TSG101: variants seen among roughly 807,000 people sequenced by gnomAD.
The protein encoded by TSG101 is tumor susceptibility 101, also known as tumor susceptibility gene 101 protein.
Under a neutral mutation model 48.5 loss-of-function variants are expected in TSG101, and 19 were observed. The observed-to-expected ratio is 0.39, with a 90% CI of 0.27 to 0.58. TSG101 has a LOEUF of 0.58. Among genes scored for constraint, TSG101 ranks in the 20% least tolerant of loss-of-function variants. The pLI is 0.55. For missense variants in TSG101, 365 were observed against 484.4 expected (o/e 0.75, Z 2.31); for synonymous variants, 174 against 169.4 (o/e 1.03, Z -0.21).
intron 1 of TSG101, among the ~76,000 whole-genome samples, chr11:18,523,088 C>T (rs1254743630): frequency 1.3e-5 from 2 of 152,082 alleles, no homozygotes; most frequent in African/African-American, 2.4e-5. Context: ...GAGACAAGGT[C>T]ATGCTATGTT....
At chr11:18,506,961 C>A in intron 5 of TSG101, 38 bp from the exon 6 acceptor site, 3 of 1,547,536 alleles carry the variant, frequency 1.9e-6, no homozygotes, top group South Asian at 1.2e-5. Context: ...AAATAATATA[C>A]AAGGCCTGAA....
intron 7 of TSG101, among the ~76,000 whole-genome samples, chr11:18,497,130 T>C (rs1036372413): frequency 6.6e-6 from 1 of 151,976 alleles, no homozygotes; most frequent in Non-Finnish European, 1.5e-5. Context: ...AATAACCAAA[T>C]TCATTCTTTC....
At chr11:18,502,649 C>T (rs768357416) in intron 6 of TSG101, 72 bp from the exon 7 acceptor site, 148 of 1,218,802 alleles carry the variant, frequency 1.2e-4, no homozygotes, top group Non-Finnish European at 1.5e-4. Context: ...GAACCCCATT[C>T]AGGAAGTTAA....
intron 6 of TSG101, 75 bp from the exon 7 acceptor site, chr11:18,502,652 G>T: frequency 8.5e-7 from 1 of 1,181,410 alleles, no homozygotes; most frequent in Non-Finnish European, 1.2e-6. Context: ...CCCCATTCAG[G>T]AAGTTAAGCT....
intron 7 of TSG101, among the ~76,000 whole-genome samples, chr11:18,487,427 A>G (rs551964355): frequency 6.6e-6 from 1 of 152,206 alleles, no homozygotes; most frequent in South Asian, 2.1e-4. Flanking sequence ...CTCACAACAA[A>G]TTCAAAGGAT....
At chr11:18,526,508 G>A (rs564484647) in intron 1 of TSG101, among the ~76,000 whole-genome samples, 334 of 152,346 alleles carry the variant, frequency 2.2e-3, no homozygotes, top group African/African-American at 6.9e-3. Flanking sequence ...GTGGAAGAGA[G>A]GAGGGCGGGT....
At chr11:18,493,780 CA>C (rs1849731532) in intron 7 of TSG101, among the ~76,000 whole-genome samples, 1 of 152,200 alleles carries the variant, frequency 6.6e-6, no homozygotes, top group Admixed American at 6.5e-5. Flanking sequence ...ACTGTATGAG[CA>C]AAGGAGTTCT....
intron 2 of TSG101, among the ~76,000 whole-genome samples, chr11:18,518,697 A>T (rs1019082078): frequency 2.6e-5 from 4 of 152,142 alleles, no homozygotes; most frequent in Non-Finnish European, 5.9e-5. Flanking sequence ...CTGAAAATAT[A>T]AAGAGACACT....
chr11:18,503,375 T>C (rs1285363449), intron 6 of TSG101, among the ~76,000 whole-genome samples: 2 of 150,002 alleles, frequency 1.3e-5, no homozygotes, highest in African/African-American at 4.9e-5. Context: ...GTTAAATTTT[T>C]TTTTTTTTTT....
Position 18,514,711 on chromosome 11 carries a change from C to T in TSG101, c.324G>A (p.Lys108=), listed in dbSNP as rs549036962. 5.7e-6 allele frequency: 9 copies of T among 1,587,754 alleles called. No individual in the cohort carries two copies. The East Asian group carries it at 6.8e-5, about 12-fold the overall frequency. Residue 108 remains lysine, a synonymous_variant, in exon 4 of 10, where the codon AAG becomes AAA. Transcript: ENST00000251968. ...KTGKHVDANG[K]IYLPYLHEWK... ...ATTCATGTAGATAAGGAAGATATAT[C>T]TTCCCATTTGCATCAACATGCTTTC...
chr11:18,490,499 C>A (rs1157144955), intron 7 of TSG101: 1 of 496,630 alleles, frequency 2.0e-6, no homozygotes, highest in African/African-American at 2.0e-5. Context: ...TTTCTTCTTT[C>A]TTACTAATTT....
At chr11:18,483,491 CAAAAAAAAAAA>C (rs35471524) in intron 8 of TSG101, among the ~76,000 whole-genome samples, 1 of 107,714 alleles carries the variant, frequency 9.3e-6, no homozygotes, top group Non-Finnish European at 1.9e-5. Flanking sequence ...GTGAAACTCT[CAAAAAAAAAAA>C]AAAAAAAAAG....
rs1027897401 is a variant in TSG101, at chr11:18,488,229, G to A, written c.641-4157C>T. ...CTGCACATTTTTGTTCAGTTAGAAA[G>A]GAGGGATTTTTGTTTTTTTTCTTTT... On this transcript the variant is annotated intron_variant, in intron 7 of 9. Coordinates refer to ENST00000251968, the MANE Select transcript of TSG101 (RefSeq NM_006292.4). Among the ~76,000 whole-genome samples, 18 of 152,304 alleles carry A rather than the reference G, an allele frequency of 1.2e-4. No individual in the cohort carries two copies. In the South Asian group the frequency reaches 1.4e-3, roughly 12 times the overall value.
At chr11:18,512,125 C>T (rs974519388) in intron 4 of TSG101, among the ~76,000 whole-genome samples, 9 of 152,084 alleles carry the variant, frequency 5.9e-5, no homozygotes, top group African/African-American at 1.9e-4. Flanking sequence ...CAAACTGAGG[C>T]GAGGCACAAT....
In TSG101 at chr11:18,480,461, C is replaced by CA. The variant is rs1849510736; in HGVS notation, c.*84dup. On this transcript the variant is annotated 3_prime_UTR_variant, in exon 10 of 10. Coordinates refer to ENST00000251968, the MANE Select transcript of TSG101 (RefSeq NM_006292.4). ...TATTTTACACTTGAATGATAAACTG[C>CA]AATAACTTATTCTGGGCACCTACTG... 1.0e-6 allele frequency: 1 copy of CA among 990,610 alleles called. No individual in the cohort carries two copies. The highest frequency in any genetic ancestry group is 2.5e-5 in the Admixed American group (1 of 39,300). The allele number at this position is 990,610 out of a possible 1,614,324, so 61.4% of individuals were successfully genotyped here.
intron 7 of TSG101, among the ~76,000 whole-genome samples, chr11:18,494,277 A>C (rs1849742860): frequency 6.6e-6 from 1 of 152,196 alleles, no homozygotes; most frequent in East Asian, 1.9e-4. Flanking sequence ...AAAGCCAATA[A>C]ATCTGAAGGA....
At chr11:18,511,829 A>G (rs1273628250) in intron 4 of TSG101, among the ~76,000 whole-genome samples, 1 of 152,140 alleles carries the variant, frequency 6.6e-6, no homozygotes, top group Non-Finnish European at 1.5e-5. Flanking sequence ...GCAACCACTA[A>G]TCTACTTTCC....
At chr11:18,484,264 G>T (rs1321050489) in intron 7 of TSG101, among the ~76,000 whole-genome samples, 192 bp from the exon 8 acceptor site, 2 of 152,166 alleles carry the variant, frequency 1.3e-5, no homozygotes, top group African/African-American at 4.8e-5. Flanking sequence ...TGCCCTACAA[G>T]AGATTACTAT....
intron 5 of TSG101, chr11:18,507,609 T>C (rs142193389): frequency 5.9e-5 from 9 of 151,434 alleles, no homozygotes; most frequent in African/African-American, 7.3e-5. Context: ...CTAATCAACA[T>C]AGAGGAAGAA....
Sources: gnomAD v4.1 joint callset for allele counts (sites outside exome capture counted in the v4.1 genomes callset) on GRCh38, gnomAD v4.1.1 for gene constraint, MANE v1.5 for transcripts, NCBI Gene and HGNC (gene_info 2026-07-23, HGNC 2026-07-21) for gene names.